Variants in ANKFN1 observed in about 807,000 individuals in gnomAD.
ANKFN1 encodes ankyrin repeat and fibronectin type III domain containing 1.
In ANKFN1, 74 loss-of-function variants were observed where a neutral mutation model predicts 108.7. The observed-to-expected ratio is 0.68, with a 90% CI of 0.56 to 0.83. ANKFN1 has a LOEUF of 0.83. Among genes scored for constraint, ANKFN1 ranks in the 40% least tolerant of loss-of-function variants. The pLI, the probability that ANKFN1 is intolerant of heterozygous loss-of-function variation, is 0.00. For missense variants in ANKFN1, 1,505 were observed against 1,382.3 expected (o/e 1.09, Z -1.41); for synonymous variants, 547 against 516.2 (o/e 1.06, Z -0.81).
intron 8 of ANKFN1, among the ~76,000 whole-genome samples, chr17:56,396,263 C>G (rs2047580467): frequency 6.6e-6 from 1 of 152,166 alleles, no homozygotes; most frequent in African/African-American, 2.4e-5. Flanking sequence ...GCCTGGCCAA[C>G]ATGGTGAAAC....
At position 56,514,675 on chromosome 17, in the gene ANKFN1, C is replaced by A. The variant is rs1325931977; in HGVS notation, c.*3406C>A. Among the ~76,000 whole-genome samples the A allele has an allele frequency of 6.6e-6, 1 of 152,180 alleles. No homozygotes were observed. Among genetic ancestry groups the A allele is most frequent in the Non-Finnish European group, 1.5e-5 (1 of 68,024 alleles). The stretch of plus-strand genomic sequence containing the variant: ...TCACTAATGCTCGAAGCAATAATTA[C>A]ACTGGAGAAATTGTTTCATTTGGTT... On this transcript the variant is annotated 3_prime_UTR_variant, in exon 21 of 21. Transcript: ENST00000682825.
chr17:56,516,373 G>A lies in ANKFN1; in HGVS notation c.*5104G>A, dbSNP rs1236998215. Among the ~76,000 whole-genome samples the A allele has an allele frequency of 6.6e-6, 1 of 152,066 alleles. No homozygotes were observed. Among genetic ancestry groups the A allele is most frequent in the Non-Finnish European group, 1.5e-5 (1 of 68,010 alleles). On this transcript the variant is annotated 3_prime_UTR_variant, in exon 21 of 21. Coordinates refer to ENST00000682825, the MANE Select transcript of ANKFN1 (RefSeq NM_001370326.1). ...AGTATTTAATTGCTTCCTTCCTAATGTGTACATAGCAATCTGGCTGATTAT... is the reference window on the plus strand; with the variant it reads ...AGTATTTAATTGCTTCCTTCCTAATATGTACATAGCAATCTGGCTGATTAT...
At chr17:56,435,333 C>T (rs1051780251) in intron 8 of ANKFN1, among the ~76,000 whole-genome samples, 4 of 152,090 alleles carry the variant, frequency 2.6e-5, no homozygotes, top group South Asian at 4.2e-4. Context: ...CCCTAAGGAG[C>T]TTATAGACTA....
chr17:56,378,514 A>G (rs1281983504), intron 8 of ANKFN1, among the ~76,000 whole-genome samples: 2 of 152,210 alleles, frequency 1.3e-5, no homozygotes, highest in African/African-American at 4.8e-5. Context: ...CCATTAAAGA[A>G]TATAATTATT....
intron 2 of ANKFN1, among the ~76,000 whole-genome samples, chr17:56,224,084 G>A (rs749056168): frequency 6.6e-6 from 1 of 152,214 alleles, no homozygotes; most frequent in Non-Finnish European, 1.5e-5. Context: ...GGGGTCATGG[G>A]CAGAGCCCCT....
intron 8 of ANKFN1, among the ~76,000 whole-genome samples, chr17:56,399,010 C>T (rs764875788): frequency 6.6e-6 from 1 of 152,008 alleles, no homozygotes; most frequent in South Asian, 2.1e-4. Context: ...TCATAAGTAG[C>T]TCCAAATACA....
chr17:56,098,869 A>ATGTGTGTGTG (rs113050013), intron 4 of ANKFN1, among the ~76,000 whole-genome samples: 1 of 150,950 alleles, frequency 6.6e-6, no homozygotes, highest in African/African-American at 2.4e-5. Flanking sequence ...GCGTGTGTGC[A>ATGTGTGTGTG]TGTGTGTGTG....
intron 8 of ANKFN1, among the ~76,000 whole-genome samples, chr17:56,376,446 T>C (rs1339754741): frequency 6.6e-6 from 1 of 152,174 alleles, no homozygotes; most frequent in Non-Finnish European, 1.5e-5. Flanking sequence ...TACCTTTTCT[T>C]GGTTGTCTCA....
intron 4 of ANKFN1, among the ~76,000 whole-genome samples, chr17:56,141,923 CTTTTTTTTTTT>C (rs34394014): frequency 2.0e-4 from 19 of 95,654 alleles, no homozygotes; most frequent in Admixed American, 5.0e-4. Flanking sequence ...CGATGGTGTA[CTTTTTTTTTTT>C]TTTTTTTTTT....
intron 3 of ANKFN1, among the ~76,000 whole-genome samples, chr17:56,268,145 A>C (rs1398599553): frequency 6.6e-6 from 1 of 152,216 alleles, no homozygotes; most frequent in East Asian, 1.9e-4. Flanking sequence ...TCATCTACAC[A>C]TGGCACATAC....
chr17:56,155,425 C>T (rs564540658), intron 1 of ANKFN1, among the ~76,000 whole-genome samples: 78 of 152,350 alleles, frequency 5.1e-4, no homozygotes, highest in Non-Finnish European at 8.2e-4. Flanking sequence ...AAGCCAGCCA[C>T]GCTCTGTCTC....
intron 1 of ANKFN1, among the ~76,000 whole-genome samples, chr17:56,167,345 A>ATATATATATAT (rs1910251897): frequency 6.9e-6 from 1 of 144,352 alleles, no homozygotes; most frequent in African/African-American, 2.6e-5. Context: ...ATATATATGT[A>ATATATATATAT]ATTGAAAACC....
intron 1 of ANKFN1, among the ~76,000 whole-genome samples, chr17:56,167,153 TTA>T (rs1470922982): frequency 6.6e-6 from 1 of 151,478 alleles, no homozygotes; most frequent in East Asian, 1.9e-4. Flanking sequence ...CACATAAATA[TTA>T]TATGTTAAAC....
intron 4 of ANKFN1, among the ~76,000 whole-genome samples, chr17:56,113,185 G>A (rs962544948): frequency 1.3e-5 from 2 of 152,268 alleles, no homozygotes; most frequent in East Asian, 3.9e-4. Context: ...AACCTGGTGG[G>A]TAGAAAATCA....
At chr17:56,418,398 A>G (rs975348511) in intron 8 of ANKFN1, among the ~76,000 whole-genome samples, 5 of 152,206 alleles carry the variant, frequency 3.3e-5, no homozygotes, top group South Asian at 2.1e-4. Flanking sequence ...AAATGATTTT[A>G]AGAGAAGCCC....
At chr17:56,119,790 A>G (rs918828198) in intron 4 of ANKFN1, among the ~76,000 whole-genome samples, 2 of 152,152 alleles carry the variant, frequency 1.3e-5, no homozygotes, top group African/African-American at 4.8e-5. Context: ...TGGACCTGTC[A>G]TGTATAGATT....
chr17:56,368,127 G>A, intron 6 of ANKFN1: 1 of 1,257,154 alleles, frequency 8.0e-7, no homozygotes. Flanking sequence ...CAATGAGCCT[G>A]ATCACTATAA....
intron 4 of ANKFN1, among the ~76,000 whole-genome samples, chr17:56,055,127 C>G (rs1904845405): frequency 6.6e-6 from 1 of 151,208 alleles, no homozygotes; most frequent in Non-Finnish European, 1.5e-5. Flanking sequence ...GGATATATTG[C>G]ATACTGGTGG....
At chr17:56,246,701 A>C (rs1276162718) in intron 3 of ANKFN1, among the ~76,000 whole-genome samples, 1 of 152,162 alleles carries the variant, frequency 6.6e-6, no homozygotes, top group East Asian at 1.9e-4. Context: ...CAATTCCATA[A>C]AAAAACAAAG....
Sources: allele counts gnomAD v4.1 joint callset (sites outside exome capture counted in the v4.1 genomes callset), GRCh38; gene constraint gnomAD v4.1.1; transcripts MANE v1.5; gene names NCBI Gene and HGNC (gene_info 2026-07-23, HGNC 2026-07-21).